Variants in CLCN3 observed in about 807,000 individuals in gnomAD.
CLCN3 encodes the protein Cl-/H+ antiporter 3, also known as H(+)/Cl(-) exchange transporter 3.
Under a neutral mutation model 83.4 loss-of-function variants are expected in CLCN3, and 16 were observed. The observed-to-expected ratio is 0.19, with a 90% CI of 0.13 to 0.29. The LOEUF is 0.29. Among genes scored for constraint, CLCN3 ranks in the 10% least tolerant of loss-of-function variants. The pLI, the probability that CLCN3 is intolerant of heterozygous loss-of-function variation, is 1.00. For missense variants in CLCN3, 544 were observed against 1,006.0 expected (o/e 0.54, Z 6.21); for synonymous variants, 322 against 346.2 (o/e 0.93, Z 0.78).
intron 11 of CLCN3, among the ~76,000 whole-genome samples, chr4:169,711,512 A>G (rs6824144): frequency 0.97 from 148,181 of 152,234 alleles, 72,231 homozygotes; most frequent in Middle Eastern, 1. Flanking sequence ...CCACCGTGCC[A>G]GCTAATTTTG....
intron 3 of CLCN3, among the ~76,000 whole-genome samples, chr4:169,686,392 G>A (rs1276442508): frequency 2.0e-5 from 3 of 149,284 alleles, no homozygotes; most frequent in Admixed American, 2.0e-4. Context: ...GAACAGTTGA[G>A]CACTGAAGTC....
intron 9 of CLCN3, among the ~76,000 whole-genome samples, chr4:169,698,847 G>C (rs925196253): frequency 6.6e-6 from 1 of 152,002 alleles, no homozygotes; most frequent in Non-Finnish European, 1.5e-5. Context: ...GCCTTTTCTG[G>C]CTATTAAAAG....
intron 2 of CLCN3, among the ~76,000 whole-genome samples, chr4:169,652,691 C>G (rs545547720): frequency 1.3e-5 from 2 of 152,152 alleles, no homozygotes; most frequent in South Asian, 4.2e-4. Flanking sequence ...GTCATGTTTT[C>G]CCCAGTAGTG....
rs550147383 is a variant in CLCN3, at chr4:169,710,285, G to A, written c.2150-2794G>A. On this transcript the variant is annotated intron_variant, in intron 11 of 12. Transcript: ENST00000513761. ...GAATAAAAGTGATTTATTTTTTTGA[G>A]ACAGCATCTCACCCTGTTTCTCAGG... 3.9e-5 allele frequency among the ~76,000 whole-genome samples: 6 copies of A among 152,086 alleles called. No homozygotes were observed. In the South Asian group the frequency reaches 1.2e-3, roughly 32 times the overall value.
intron 2 of CLCN3, among the ~76,000 whole-genome samples, chr4:169,655,483 C>A (rs1156305932): frequency 4.6e-5 from 7 of 152,088 alleles, no homozygotes; most frequent in Admixed American, 3.9e-4. Context: ...AAAAATTGAT[C>A]ATCGTGTGAT....
intron 10 of CLCN3, among the ~76,000 whole-genome samples, chr4:169,705,382 G>C (rs995810290): frequency 3.3e-5 from 5 of 152,166 alleles, no homozygotes; most frequent in Non-Finnish European, 5.9e-5. Context: ...TTAATGTCAG[G>C]ATGATTTTAT....
chr4:169,622,603 T>G (rs1201287999), intron 1 of CLCN3, among the ~76,000 whole-genome samples: 1 of 152,218 alleles, frequency 6.6e-6, no homozygotes, highest in Non-Finnish European at 1.5e-5. Context: ...TCAGGCTCTT[T>G]TCCAAGTAAT....
chr4:169,657,052 T>G (rs1730908990), intron 2 of CLCN3, among the ~76,000 whole-genome samples: 1 of 152,202 alleles, frequency 6.6e-6, no homozygotes, highest in Admixed American at 6.5e-5. Context: ...CTTACTTTAA[T>G]TAATTATCAA....
chr4:169,682,565 T>C (rs753177519), intron 3 of CLCN3, among the ~76,000 whole-genome samples: 1 of 152,198 alleles, frequency 6.6e-6, no homozygotes, highest in African/African-American at 2.4e-5. Flanking sequence ...GTGCTTTTCT[T>C]TAGGACATAA....
At chr4:169,625,636 T>C (rs2150195529) in intron 1 of CLCN3, among the ~76,000 whole-genome samples, 1 of 152,310 alleles carries the variant, frequency 6.6e-6, no homozygotes, top group South Asian at 2.1e-4. Context: ...GTTCTGTGAG[T>C]TGCAGGAGAC....
At chr4:169,693,876 A>G (rs892035904) in intron 7 of CLCN3, among the ~76,000 whole-genome samples, 3 of 152,334 alleles carry the variant, frequency 2.0e-5, no homozygotes, top group Admixed American at 2.0e-4. Context: ...ACCTTAGTGT[A>G]TATATAAATG....
intron 1 of CLCN3, among the ~76,000 whole-genome samples, chr4:169,629,596 C>T (rs558989839): frequency 1.1e-4 from 17 of 152,234 alleles, no homozygotes; most frequent in African/African-American, 4.1e-4. Context: ...GTCTTGAACT[C>T]CTGACCTCAG....
intron 7 of CLCN3, among the ~76,000 whole-genome samples, chr4:169,695,411 G>A (rs1732527708): frequency 6.6e-6 from 1 of 152,102 alleles, no homozygotes; most frequent in Non-Finnish European, 1.5e-5. Context: ...GTAAATGCAT[G>A]ACTGACCTTT....
chr4:169,658,980 C>G (rs1399741358), intron 2 of CLCN3, among the ~76,000 whole-genome samples: 1 of 152,114 alleles, frequency 6.6e-6, no homozygotes, highest in African/African-American at 2.4e-5. Context: ...GAATTTCTCT[C>G]TTCTCTTTAC....
chr4:169,648,725 T>C (rs934227921), intron 2 of CLCN3, among the ~76,000 whole-genome samples: 1 of 152,166 alleles, frequency 6.6e-6, no homozygotes, highest in Non-Finnish European at 1.5e-5. Flanking sequence ...CGATAAGGGC[T>C]GTAAAGAAGT....
chr4:169,692,391 C>A, intron 7 of CLCN3, 71 bp downstream of exon 7: 1 of 674,048 alleles, frequency 1.5e-6, no homozygotes, highest in Non-Finnish European at 2.2e-6. Context: ...TAAAGAATTT[C>A]TTAGTGTAAA....
chr4:169,711,439 C>G (rs867626381), intron 11 of CLCN3, among the ~76,000 whole-genome samples: 6 of 152,352 alleles, frequency 3.9e-5, no homozygotes, highest in Middle Eastern at 3.4e-3. Flanking sequence ...CCTCAGCTCA[C>G]TGCAACCTCC....
chr4:169,667,963 A>G (rs1172128224), intron 2 of CLCN3, among the ~76,000 whole-genome samples: 1 of 141,944 alleles, frequency 7.0e-6, no homozygotes, highest in Non-Finnish European at 1.5e-5. Context: ...CTGCTCTTGA[A>G]CTCCTGACCT....
At position 169,692,307 on chromosome 4, in the gene CLCN3, CT is replaced by C; in HGVS notation, c.924del (p.Arg311GlyfsTer14). The C allele has an allele frequency of 6.3e-7, 1 of 1,595,150 alleles. No homozygotes were observed. Among genetic ancestry groups the C allele is most frequent in the Non-Finnish European group, 8.6e-7 (1 of 1,167,622 alleles). The stretch of plus-strand genomic sequence containing the variant: ...TTTCCAAAGTATAGCACAAACGAAG[CT>C]AAAAAAAGGGAGGTAAGTGTCTTTT... ...YLFPKYSTNE[A>X]KKREVLSAAS... On this transcript the variant is annotated frameshift_variant, in exon 7 of 13. Coordinates refer to ENST00000513761, the MANE Select transcript of CLCN3 (RefSeq NM_001829.4). LOFTEE classifies it high-confidence loss of function.
Sources: allele counts gnomAD v4.1 joint callset (sites outside exome capture counted in the v4.1 genomes callset), GRCh38; gene constraint gnomAD v4.1.1; transcripts MANE v1.5; gene names NCBI Gene and HGNC (gene_info 2026-07-23, HGNC 2026-07-21).